COQ5: variants seen among roughly 807,000 people sequenced by gnomAD.
COQ5 encodes coenzyme Q5, methyltransferase, also known as 2-methoxy-6-polyprenyl-1,4-benzoquinol methylase, mitochondrial.
Under a neutral mutation model 40.5 loss-of-function variants are expected in COQ5, and 27 were observed. The ratio of observed to expected loss-of-function variants is 0.67; its 90% CI spans 0.49 to 0.92. The LOEUF (loss-of-function observed/expected upper bound fraction) is 0.92. COQ5 is among the 40% of genes least tolerant of loss of function. COQ5 has a pLI of 0.00. For missense variants in COQ5, 409 were observed against 406.4 expected (o/e 1.01, Z -0.06); for synonymous variants, 141 against 150.0 (o/e 0.94, Z 0.44).
chr12:120,527,609 A>G lies in COQ5; in HGVS notation c.202+1331T>C, dbSNP rs532247939. Among the ~76,000 whole-genome samples the G allele has an allele frequency of 3.3e-5, 5 of 152,206 alleles. No homozygotes were observed. In the South Asian group the frequency reaches 1.0e-3, roughly 32 times the overall value. ...TCTCAGTCCCCAATCTGGAATTCAT[A>G]TTTAGTTCAGTAGTTAACTTCTTCC... On this transcript the variant is annotated intron_variant, in intron 1 of 6. Coordinates refer to ENST00000288532, the MANE Select transcript of COQ5 (RefSeq NM_032314.4).
At chr12:120,526,843 T>C (rs1324036930) in intron 1 of COQ5, 1 of 164,424 alleles carries the variant, frequency 6.1e-6, no homozygotes, top group African/African-American at 2.5e-5. Flanking sequence ...GCCTCCGGAG[T>C]AGCTGGGACT....
At chr12:120,512,482 T>A (rs1282178408) in intron 3 of COQ5, among the ~76,000 whole-genome samples, 1 of 151,718 alleles carries the variant, frequency 6.6e-6, no homozygotes, top group Non-Finnish European at 1.5e-5. Flanking sequence ...GTGCCTGTAA[T>A]CCCAGCTACT....
Position 120,522,338 on chromosome 12 carries a change from A to T in COQ5, c.228T>A (p.Ala76=). ...GKVYQVFESV[A]KKYDVMNDMM... ...TATCATTCATCACATCATACTTCTT[A>T]GCCACACTTTCAAACACCTGATAGA... Residue 76 remains alanine, a synonymous_variant, in exon 2 of 7, where the codon GCT becomes GCA. Coordinates refer to ENST00000288532, the MANE Select transcript of COQ5 (RefSeq NM_032314.4). 6.2e-7 allele frequency: 1 copy of T among 1,613,870 alleles called. No individual in the cohort carries two copies. The highest frequency in any genetic ancestry group is 8.5e-7 in the Non-Finnish European group (1 of 1,179,754).
At chr12:120,504,227 A>G in intron 5 of COQ5, 146 bp from the exon 6 acceptor site, 1 of 673,186 alleles carries the variant, frequency 1.5e-6, no homozygotes, top group South Asian at 1.5e-5. Flanking sequence ...TGGGTCAGGT[A>G]CAAGACCAGT....
chr12:120,507,327 C>A (rs1343455488), intron 4 of COQ5, among the ~76,000 whole-genome samples: 1 of 151,278 alleles, frequency 6.6e-6, no homozygotes, highest in Admixed American at 6.6e-5. Flanking sequence ...TTCTGTCGCC[C>A]AGGCTGGAGT....
rs61584250 is a variant in COQ5 at position 120,526,698 on chromosome 12, A to ATTTTTTTTT, written c.202+2233_202+2241dup. 5.7e-3 allele frequency among the ~76,000 whole-genome samples: 367 copies of ATTTTTTTTT among 64,144 alleles called. 70 individuals are homozygous for ATTTTTTTTT. Among genetic ancestry groups the ATTTTTTTTT allele is most frequent in the African/African-American group, 0.015 (177 of 12,186 alleles). The allele number at this position is 64,144 out of a possible 152,430, so 42.1% of individuals were successfully genotyped here. On this transcript the variant is annotated intron_variant, in intron 1 of 6. Coordinates refer to ENST00000288532, the MANE Select transcript of COQ5 (RefSeq NM_032314.4). ...AATAGTGCTCAAACTACTCTTGGCA[A>ATTTTTTTTT]TTTTTTTTTTTTTTTTTTTTTTTTT...
chr12:120,528,805 C>CA (rs35915101), intron 1 of COQ5, 135 bp downstream of exon 1: 74,516 of 706,854 alleles, frequency 0.11, 83 homozygotes, highest in Non-Finnish European at 0.11. Flanking sequence ...ATTCTGTCTC[C>CA]AAAAAAAAAA....
Position 120,506,067 on chromosome 12 carries a change from C to A in COQ5, c.682-1084G>T, listed in dbSNP as rs144776980. On this transcript the variant is annotated intron_variant, in intron 4 of 6. Coordinates refer to ENST00000288532, the MANE Select transcript of COQ5 (RefSeq NM_032314.4). ...AAAGGGTTTCACCATGTTGGCCAGG[C>A]CAGTCTTGAACTCCTGGCCTGAAGT... Among the ~76,000 whole-genome samples, 1,432 of 152,190 alleles carry A rather than the reference C, an allele frequency of 9.4e-3. 20 individuals carry two copies. Among genetic ancestry groups the A allele is most frequent in the African/African-American group, 0.033 (1,364 of 41,502 alleles).
At chr12:120,511,546 G>C (rs150987045) in intron 3 of COQ5, among the ~76,000 whole-genome samples, 7 of 152,126 alleles carry the variant, frequency 4.6e-5, no homozygotes, top group African/African-American at 1.7e-4. Context: ...AGAGACTCAG[G>C]AGGCTGAGGT....
At chr12:120,518,973 T>A (rs1869519801) in intron 2 of COQ5, among the ~76,000 whole-genome samples, 1 of 152,242 alleles carries the variant, frequency 6.6e-6, no homozygotes, top group Admixed American at 6.5e-5. Flanking sequence ...GGTATGCATA[T>A]AACAACATTT....
chr12:120,529,126 T>C lies in COQ5; in HGVS notation c.16A>G (p.Ser6Gly), dbSNP rs140043357. 296 of 1,613,502 alleles carry C rather than the reference T, an allele frequency of 1.8e-4. 1 individual carries two copies. The African/African-American group carries it at 3.6e-3, about 20-fold the overall frequency. ...CCGCAATAGCTCCATAGAGCACAGCTCCCGGGGGCCGCCATCTTGGTAGTC... is the reference window on the plus strand; with the variant it reads ...CCGCAATAGCTCCATAGAGCACAGCCCCCGGGGGCCGCCATCTTGGTAGTC... MAAPG[S>G]CALWSYCGRG... The change falls in exon 1 of 7, where the codon AGC (serine) becomes GGC (glycine). Residue 6 changes from serine (S) to glycine (G), a missense_variant. By Grantham distance (56) the Ser-to-Gly change is moderately conservative. Coordinates refer to ENST00000288532, the MANE Select transcript of COQ5 (RefSeq NM_032314.4).
chr12:120,524,785 A>G (rs1351108807), intron 1 of COQ5, among the ~76,000 whole-genome samples: 1 of 151,182 alleles, frequency 6.6e-6, no homozygotes, highest in Non-Finnish European at 1.5e-5. Flanking sequence ...CCTATTCTCA[A>G]CCTTCGGATT....
chr12:120,508,554 A>C (rs1369473367), intron 4 of COQ5, among the ~76,000 whole-genome samples: 1 of 152,212 alleles, frequency 6.6e-6, no homozygotes, highest in Non-Finnish European at 1.5e-5. Flanking sequence ...GAAAAAAAAG[A>C]AATATCAATT....
At chr12:120,517,647 A>G (rs1028523932) in intron 2 of COQ5, among the ~76,000 whole-genome samples, 1 of 150,552 alleles carries the variant, frequency 6.6e-6, no homozygotes, top group Non-Finnish European at 1.5e-5. Flanking sequence ...GCGCCACTGC[A>G]CTCCAGCCTG....
intron 4 of COQ5, among the ~76,000 whole-genome samples, chr12:120,507,061 T>A (rs1339196875): frequency 6.6e-6 from 1 of 152,098 alleles, no homozygotes; most frequent in Non-Finnish European, 1.5e-5. Flanking sequence ...CTCAAACTCC[T>A]GACCTCAAGT....
chr12:120,512,299 A>T (rs1164908462), intron 3 of COQ5, among the ~76,000 whole-genome samples: 1 of 151,788 alleles, frequency 6.6e-6, no homozygotes, highest in Non-Finnish European at 1.5e-5. Flanking sequence ...ATAGTAAATT[A>T]AAGCAGGATT....
At chr12:120,517,077 G>C (rs2137086372) in intron 2 of COQ5, among the ~76,000 whole-genome samples, 1 of 152,132 alleles carries the variant, frequency 6.6e-6, no homozygotes, top group East Asian at 1.9e-4. Context: ...AAATTGGGCT[G>C]GGCTCATGCC....
At chr12:120,518,751 G>C (rs1056253695) in intron 2 of COQ5, among the ~76,000 whole-genome samples, 1 of 151,978 alleles carries the variant, frequency 6.6e-6, no homozygotes, top group African/African-American at 2.4e-5. Flanking sequence ...TTTTAGTAGA[G>C]ACAGGGTTTC....
intron 5 of COQ5, 33 bp from the exon 6 acceptor site, chr12:120,504,114 A>G (rs1385721727): frequency 1.6e-6 from 2 of 1,274,834 alleles, no homozygotes; most frequent in East Asian, 2.3e-5. Flanking sequence ...GATGAAGATT[A>G]GAACATGCCC....
Sources: allele counts gnomAD v4.1 joint callset (sites outside exome capture counted in the v4.1 genomes callset), GRCh38; gene constraint gnomAD v4.1.1; transcripts MANE v1.5; gene names NCBI Gene and HGNC (gene_info 2026-07-23, HGNC 2026-07-21).